Variants in FRY observed in about 807,000 individuals in gnomAD.
FRY encodes FRY microtubule binding protein.
Under a neutral mutation model 348.4 loss-of-function variants are expected in FRY, and 128 were observed. The ratio of observed to expected loss-of-function variants is 0.37; its 90% CI spans 0.32 to 0.43. The LOEUF is 0.43. Among genes scored for constraint, FRY ranks in the 20% least tolerant of loss-of-function variants. FRY has a pLI of 1.00. For missense variants in FRY, 2,736 were observed against 3,695.2 expected (o/e 0.74, Z 6.73); for synonymous variants, 1,370 against 1,374.7 (o/e 1.00, Z 0.08).
At chr13:32,217,879 G>A (rs994555392) in intron 35 of FRY, among the ~76,000 whole-genome samples, 2 of 151,936 alleles carry the variant, frequency 1.3e-5, no homozygotes, top group African/African-American at 4.8e-5. Context: ...TTTGTTTTTG[G>A]TGGGGGTTAC....
intron 1 of FRY, among the ~76,000 whole-genome samples, chr13:32,066,408 T>TATG (rs774481187): frequency 4.3e-4 from 65 of 152,244 alleles, no homozygotes; most frequent in Non-Finnish European, 1.5e-4. Context: ...GTTCCATTAC[T>TATG]ATGATAGAAT....
At chr13:32,200,695 T>C (rs531654922) in intron 29 of FRY, among the ~76,000 whole-genome samples, 1 of 152,330 alleles carries the variant, frequency 6.6e-6, no homozygotes, top group Non-Finnish European at 1.5e-5. Context: ...GATAACATCT[T>C]TAAATAGAAT....
At chr13:32,249,480 A>G in intron 48 of FRY, 46 bp from the exon 49 acceptor site, 1 of 1,608,110 alleles carries the variant, frequency 6.2e-7, no homozygotes, top group Non-Finnish European at 8.5e-7. Flanking sequence ...TTCATATATC[A>G]CAAAACCATT....
Position 32,194,131 on chromosome 13 carries a change from C to T in FRY, c.3592-12C>T. The T allele has an allele frequency of 6.2e-7, 1 of 1,609,950 alleles. No individual in the cohort carries two copies. ...CAAATGGGAATAATATTGATTTGCT[C>T]CATGTATTCAGGTTCATCAACTTGG... is the stretch of plus-strand genomic sequence containing the variant. On this transcript the variant is annotated splice_polypyrimidine_tract_variant and intron_variant, in intron 28 of 60. Transcript: ENST00000542859.
At chr13:32,262,235 C>G (rs1887686449) in intron 52 of FRY, 79 bp from the exon 53 acceptor site, 3 of 1,176,726 alleles carry the variant, frequency 2.5e-6, no homozygotes, top group Non-Finnish European at 3.8e-6. Context: ...GACGTATTAA[C>G]CAACAACTAG....
chr13:32,239,585 T>A lies in FRY; in HGVS notation c.6517-126T>A. Reference sequence around the variant, plus strand: ...AAATTATATTAGCCAAGCTAAGTATTTCCTGTAATTACCAAAAAGTGTATC... The same window carrying A: ...AAATTATATTAGCCAAGCTAAGTATATCCTGTAATTACCAAAAAGTGTATC... On this transcript the variant is annotated intron_variant, in intron 45 of 60. Coordinates refer to ENST00000542859, the MANE Select transcript of FRY (RefSeq NM_023037.3). The surrounding 1 kb of genome is among the most constrained non-coding windows in gnomAD (Gnocchi z 4.3). 1 of 744,632 alleles carries A rather than the reference T, an allele frequency of 1.3e-6. No individual in the cohort carries two copies. Among genetic ancestry groups the A allele is most frequent in the Non-Finnish European group, 2.3e-6 (1 of 431,878 alleles). 46.1% of individuals were successfully genotyped at this position (744,632 alleles called of 1,614,324 possible). A position where few individuals can be genotyped will look rare whatever the true frequency, so the allele number is the denominator to read the frequency against.
At chr13:32,035,071 G>A (rs1159820221) in intron 1 of FRY, among the ~76,000 whole-genome samples, 1 of 152,164 alleles carries the variant, frequency 6.6e-6, no homozygotes, top group African/African-American at 2.4e-5. Flanking sequence ...AAAGCACTTA[G>A]CACAATACCT....
intron 4 of FRY, among the ~76,000 whole-genome samples, chr13:32,119,758 T>C (rs1254410454): frequency 6.6e-6 from 1 of 152,202 alleles, no homozygotes; most frequent in Admixed American, 6.5e-5. Flanking sequence ...GCAGTGCCGC[T>C]TACTAGTTCC....
intron 31 of FRY, among the ~76,000 whole-genome samples, chr13:32,205,378 G>A (rs1054267497): frequency 6.6e-6 from 1 of 152,214 alleles, no homozygotes; most frequent in South Asian, 2.1e-4. Context: ...TGTCTAAGCT[G>A]TAGTTTGAAA....
chr13:32,287,076 A>C (rs776939987), intron 58 of FRY, among the ~76,000 whole-genome samples: 7 of 151,894 alleles, frequency 4.6e-5, no homozygotes, highest in African/African-American at 7.3e-5. Context: ...GAGGCAGGAG[A>C]ATCGCTTGAA....
intron 36 of FRY, among the ~76,000 whole-genome samples, chr13:32,220,363 C>G (rs957989955): frequency 2.6e-5 from 4 of 152,194 alleles, no homozygotes; most frequent in South Asian, 2.1e-4. Context: ...TTATCATGCT[C>G]TAATGTAGGT....
At chr13:32,036,864 C>G (rs542929394) in intron 1 of FRY, among the ~76,000 whole-genome samples, 17 of 152,196 alleles carry the variant, frequency 1.1e-4, no homozygotes, top group Non-Finnish European at 1.5e-5. Flanking sequence ...GTTTTAATCA[C>G]TCAAAGGACC....
chr13:32,081,692 G>A (rs575406070), intron 2 of FRY, among the ~76,000 whole-genome samples: 4 of 152,260 alleles, frequency 2.6e-5, no homozygotes, highest in African/African-American at 9.6e-5. Context: ...CTTGTCTGCT[G>A]AAAAATGCTT....
At chr13:32,284,454 CTG>C (rs1322818146) in intron 58 of FRY, among the ~76,000 whole-genome samples, 4 of 152,198 alleles carry the variant, frequency 2.6e-5, no homozygotes, top group Admixed American at 2.6e-4. Context: ...AGTCTTTCCT[CTG>C]TAAGCCATAT....
intron 4 of FRY, 95 bp from the exon 5 acceptor site, chr13:32,124,191 C>T: frequency 1.3e-6 from 1 of 767,164 alleles, no homozygotes; most frequent in South Asian, 1.5e-5. Context: ...ATGGGTTTTG[C>T]AGTCTATTAG....
chr13:32,282,148 C>A (rs1198215757), intron 58 of FRY, among the ~76,000 whole-genome samples: 1 of 152,148 alleles, frequency 6.6e-6, no homozygotes, highest in Non-Finnish European at 1.5e-5. Context: ...CTGACTAGAG[C>A]TACCATTTGG....
Position 32,298,294 on chromosome 13 carries a change from C to T in FRY, c.*2834C>T, listed in dbSNP as rs1232060829. The T allele has an allele frequency of 7.2e-5, 11 of 152,326 alleles. No individual in the cohort carries two copies. The East Asian group carries it at 2.1e-3, about 29-fold the overall frequency. The allele number at this position is 152,326 out of a possible 1,614,324, so 9.4% of individuals were successfully genotyped here. A position where few individuals can be genotyped will look rare whatever the true frequency, so the allele number is the denominator to read the frequency against. On this transcript the variant is annotated 3_prime_UTR_variant, in exon 61 of 61. Transcript: ENST00000542859. ...TACATCAATAGCTTACACGTGCTTC[C>T]TGATGCCTGCCTTAACAACAAAAAA...
rs546223420 is a variant in FRY, at chr13:32,053,747, A to G, written c.70+21882A>G. ...CAAAAATATAATCAACTCAAAATAC[A>G]AGGTGAAATATGGAAAAACACATGA... On this transcript the variant is annotated intron_variant, in intron 1 of 60. Transcript: ENST00000542859. Among the ~76,000 whole-genome samples, 14 of 152,352 alleles carry G rather than the reference A, an allele frequency of 9.2e-5. No homozygotes were observed. The East Asian group carries it at 2.1e-3, about 23-fold the overall frequency.
At chr13:32,161,348 A>G in intron 17 of FRY, 97 bp downstream of exon 17, 3 of 869,750 alleles carry the variant, frequency 3.4e-6, no homozygotes, top group East Asian at 2.4e-5. Context: ...ACAAATATTT[A>G]CCAAATGAGG....
Sources: allele counts gnomAD v4.1 joint callset (sites outside exome capture counted in the v4.1 genomes callset), GRCh38; gene constraint gnomAD v4.1.1; non-coding constraint Gnocchi (gnomAD v3.1); transcripts MANE v1.5; gene names NCBI Gene and HGNC (gene_info 2026-07-23, HGNC 2026-07-21).